Variants in AKT1S1 observed in about 807,000 individuals in gnomAD.
The protein encoded by AKT1S1 is proline-rich AKT1 substrate 1.
AKT1S1 carries 17 observed loss-of-function variants against 21.2 expected under a neutral mutation model. The observed-to-expected ratio is 0.80, with a 90% CI of 0.55 to 1.20. The LOEUF (loss-of-function observed/expected upper bound fraction) is 1.20. Ranked by LOEUF, AKT1S1 falls within the 50% of genes most tolerant of loss-of-function variation. AKT1S1 has a pLI of 0.00. For missense variants in AKT1S1, 366 were observed against 368.3 expected (o/e 0.99, Z 0.05); for synonymous variants, 181 against 165.6 (o/e 1.09, Z -0.72).
intron 2 of AKT1S1, among the ~76,000 whole-genome samples, chr19:49,872,129 T>C (rs958475756): frequency 7.9e-5 from 12 of 152,212 alleles, no homozygotes; most frequent in African/African-American, 1.2e-4. Context: ...GCTGCTAACA[T>C]GAAACCTCTA....
At position 49,869,777 on chromosome 19, in the gene AKT1S1, C is replaced by T. The variant is rs2122359522; in HGVS notation, c.*140G>A. 2 of 1,014,266 alleles carry T rather than the reference C, an allele frequency of 2.0e-6. No individual in the cohort carries two copies. The highest frequency in any genetic ancestry group is 3.4e-4 in the Middle Eastern group (1 of 2,932). The allele number at this position is 1,014,266 out of a possible 1,614,324, so 62.8% of individuals were successfully genotyped here. On this transcript the variant is annotated 3_prime_UTR_variant, in exon 5 of 5. Transcript: ENST00000344175. ...GGGCTGGAAGGACGGCGGGGATTGG[C>T]AGAGGCGGGACAATCTTGGGAATGG...
chr19:49,872,775 C>T (rs2074898200), intron 2 of AKT1S1, 142 bp downstream of exon 2: 1 of 1,041,490 alleles, frequency 9.6e-7, no homozygotes, highest in Non-Finnish European at 1.4e-6. Flanking sequence ...CAGCAAGCCC[C>T]AGGCAAGCCT....
upstream of AKT1S1, chr19:49,878,288 A>G (rs201403786): frequency 1.4e-5 from 21 of 1,526,642 alleles, no homozygotes; most frequent in East Asian, 4.4e-4. Flanking sequence ...AGCGGGATGC[A>G]GGCGGTCTGG....
chr19:49,870,071 G>C lies in AKT1S1; in HGVS notation c.628-11C>G, dbSNP rs1046984500. 4.0e-6 allele frequency: 6 copies of C among 1,512,424 alleles called. No individual in the cohort carries two copies. Among genetic ancestry groups the C allele is most frequent in the African/African-American group, 2.9e-5 (2 of 70,024 alleles). 93.7% of individuals were successfully genotyped at this position (1,512,424 alleles called of 1,614,324 possible). On this transcript the variant is annotated splice_polypyrimidine_tract_variant and intron_variant, in intron 4 of 4. Coordinates refer to ENST00000344175, the MANE Select transcript of AKT1S1 (RefSeq NM_001098633.4). Reference sequence around the variant, plus strand: ...GTCGGGCGAAGAGGGCTGCGGGGACGGCGACGGGGCGAGGTCAGCGCCGGC... The same window carrying C: ...GTCGGGCGAAGAGGGCTGCGGGGACCGCGACGGGGCGAGGTCAGCGCCGGC...
rs2353005 is a variant in AKT1S1, at chr19:49,869,505, G to A, written c.*412C>T. 16,263 of 158,598 alleles carry A rather than the reference G, an allele frequency of 0.1. 1,018 individuals are homozygous for A. The highest frequency in any genetic ancestry group is 0.14 in the Non-Finnish European group (10,336 of 71,970). 9.8% of individuals were successfully genotyped at this position (158,598 alleles called of 1,614,324 possible). On this transcript the variant is annotated 3_prime_UTR_variant, in exon 5 of 5. Coordinates refer to ENST00000344175, the MANE Select transcript of AKT1S1 (RefSeq NM_001098633.4). ...GAAAAGCGGACGGTGACTATGTAGA[G>A]ACTGGTCAAGCCCTTTACAGGATTT...
intron 4 of AKT1S1, among the ~76,000 whole-genome samples, chr19:49,871,028 C>G (rs2122366766): frequency 1.3e-5 from 2 of 152,328 alleles, no homozygotes; most frequent in Middle Eastern, 3.4e-3. Context: ...CTCTGCCTCT[C>G]AGGGAAGTCA....
At position 49,873,983 on chromosome 19, in the gene AKT1S1, C is replaced by G. The variant is rs1010047022; in HGVS notation, c.-7-681G>C. 3.9e-5 allele frequency: 6 copies of G among 152,298 alleles called. No homozygotes were observed. Among genetic ancestry groups the G allele is most frequent in the Non-Finnish European group, 8.8e-5 (6 of 68,088 alleles). The allele number at this position is 152,298 out of a possible 1,614,324, so 9.4% of individuals were successfully genotyped here. A position where few individuals can be genotyped will look rare whatever the true frequency, so the allele number is the denominator to read the frequency against. ...AAGGCCCAGGGGGTTCCTTCAGCAC[C>G]CGGAGCTGATGCTACTCCTCGCCAT... On this transcript the variant is annotated intron_variant, in intron 1 of 4. Coordinates refer to ENST00000344175, the MANE Select transcript of AKT1S1 (RefSeq NM_001098633.4). The surrounding 1 kb of genome is among the most constrained non-coding windows in gnomAD (Gnocchi z 6.9).
rs759110134 is a variant in AKT1S1 at position 49,869,991 on chromosome 19, T to C, written c.697A>G (p.Thr233Ala). The C allele has an allele frequency of 1.1e-5, 17 of 1,547,644 alleles. No individual in the cohort carries two copies. The highest frequency in any genetic ancestry group is 1.4e-5 in the Non-Finnish European group (16 of 1,144,098). ...RALVLREAED[T>A]QVFGDLPRPR... Reference sequence around the variant, plus strand: ...CGTGGCAGGTCCCCGAAGACCTGGGTGTCCTCGGCCTCTCGCAGCACCAGC... The same window carrying C: ...CGTGGCAGGTCCCCGAAGACCTGGGCGTCCTCGGCCTCTCGCAGCACCAGC... The change falls in exon 5 of 5, where the codon ACC (threonine) becomes GCC (alanine). Residue 233 changes from threonine to alanine, a missense_variant. Thr to Ala is a moderately conservative substitution (Grantham distance 58, BLOSUM62 0). Transcript: ENST00000344175.
chr19:49,878,217 TG>T (rs1192354171), upstream of AKT1S1: 1 of 1,562,006 alleles, frequency 6.4e-7, no homozygotes, highest in African/African-American at 1.4e-5. Flanking sequence ...CTCTCATCGC[TG>T]GTGTCATCCG....
chr19:49,875,677 T>C (rs982259592), intron 1 of AKT1S1, among the ~76,000 whole-genome samples: 4 of 152,150 alleles, frequency 2.6e-5, no homozygotes, highest in Non-Finnish European at 5.9e-5. Flanking sequence ...CAGGATGAAC[T>C]CTCCGTGTAC....
rs537684716 is a variant in AKT1S1, at chr19:49,870,202, C to A, written c.628-142G>T. Reference sequence around the variant, plus strand: ...CACCTGTGCCCTGCGATGCCCACTGCCAGCAGTGCCCCTCCCCGTCTTGCT... The same window carrying A: ...CACCTGTGCCCTGCGATGCCCACTGACAGCAGTGCCCCTCCCCGTCTTGCT... On this transcript the variant is annotated intron_variant, in intron 4 of 4. Coordinates refer to ENST00000344175, the MANE Select transcript of AKT1S1 (RefSeq NM_001098633.4). The A allele has an allele frequency of 4.0e-6, 4 of 1,001,648 alleles. No individual in the cohort carries two copies. In the South Asian group the frequency reaches 1.0e-4, roughly 26 times the overall value. The allele number at this position is 1,001,648 out of a possible 1,614,324, so 62.0% of individuals were successfully genotyped here. A position where few individuals can be genotyped will look rare whatever the true frequency, so the allele number is the denominator to read the frequency against.
Position 49,873,686 on chromosome 19 carries a change from G to A in AKT1S1, c.-7-384C>T, listed in dbSNP as rs2074911137. ...AATAAAACCTGCACTGGGTTCTGAA[G>A]ACTGAGTACAATAAAGCCGAACGAG... On this transcript the variant is annotated intron_variant, in intron 1 of 4. Transcript: ENST00000344175. The surrounding 1 kb of genome is among the most constrained non-coding windows in gnomAD (Gnocchi z 6.9). The A allele has an allele frequency of 5.1e-6, 1 of 195,906 alleles. No individual in the cohort carries two copies. Among genetic ancestry groups the A allele is most frequent in the Non-Finnish European group, 1.0e-5 (1 of 97,148 alleles). The allele number at this position is 195,906 out of a possible 1,614,324, so 12.1% of individuals were successfully genotyped here.
Position 49,871,648 on chromosome 19 carries a change from G to C in AKT1S1, c.526C>G (p.Pro176Ala), listed in dbSNP as rs2074885206. The change falls in exon 4 of 5, where the codon CCC (proline) becomes GCC (alanine). Residue 176 changes from proline (P) to alanine (A), a missense_variant. Coordinates refer to ENST00000344175, the MANE Select transcript of AKT1S1 (RefSeq NM_001098633.4). The part of the protein sequence containing the change: ...TCSVPPASAL[P>A]TQQYAKSLPV... ...AGGGACTTGGCGTACTGCTGTGTGGGTAGGGCTGAGGCTGGGGGCACTGAG... is the reference window on the plus strand; with the variant it reads ...AGGGACTTGGCGTACTGCTGTGTGGCTAGGGCTGAGGCTGGGGGCACTGAG... 3.7e-6 allele frequency: 6 copies of C among 1,614,036 alleles called. No individual in the cohort carries two copies. In the East Asian group the frequency reaches 1.3e-4, roughly 36 times the overall value.
Position 49,869,766 on chromosome 19 carries a change from G to T in AKT1S1, c.*151C>A. Reference sequence around the variant, plus strand: ...CGGCAGGTCGTGGGCTGGAAGGACGGCGGGGATTGGCAGAGGCGGGACAAT... The same window carrying T: ...CGGCAGGTCGTGGGCTGGAAGGACGTCGGGGATTGGCAGAGGCGGGACAAT... On this transcript the variant is annotated 3_prime_UTR_variant, in exon 5 of 5. Transcript: ENST00000344175. 1 of 942,234 alleles carries T rather than the reference G, an allele frequency of 1.1e-6. No individual in the cohort carries two copies. Among genetic ancestry groups the T allele is most frequent in the Non-Finnish European group, 1.5e-6 (1 of 683,066 alleles). The allele number at this position is 942,234 out of a possible 1,614,324, so 58.4% of individuals were successfully genotyped here.
At chr19:49,878,291 C>A, upstream of AKT1S1, 1 of 1,514,086 alleles carries the variant, frequency 6.6e-7, no homozygotes, top group Non-Finnish European at 9.0e-7. Context: ...GGGATGCAGG[C>A]GGTCTGGGAT....
upstream of AKT1S1, chr19:49,878,039 G>T: frequency 2.0e-6 from 2 of 981,366 alleles, no homozygotes; most frequent in Non-Finnish European, 3.0e-6. Context: ...GGCCCTCCCG[G>T]CCCCGCCCCC....
At chr19:49,877,471 G>C, upstream of AKT1S1, 2 of 505,720 alleles carry the variant, frequency 4.0e-6, no homozygotes, top group Non-Finnish European at 7.0e-6. Flanking sequence ...TTCGTGGCGA[G>C]AGGGCGAACA....
chr19:49,871,678 T>TG lies in AKT1S1; in HGVS notation c.495dup (p.Thr166HisfsTer40), dbSNP rs748776119. On this transcript the variant is annotated frameshift_variant, in exon 4 of 5. Coordinates refer to ENST00000344175, the MANE Select transcript of AKT1S1 (RefSeq NM_001098633.4). LOFTEE classifies it high-confidence loss of function. Reference sequence around the variant, plus strand: ...GCTGAGGCTGGGGGCACTGAGCAGGTGGGGGGGCCGGCGGGGGTCTCCTCG... The same window carrying TG: ...GCTGAGGCTGGGGGCACTGAGCAGGTGGGGGGGGCCGGCGGGGGTCTCCTCG... 1.1e-5 allele frequency: 17 copies of TG among 1,611,946 alleles called. No homozygotes were observed. The highest frequency in any genetic ancestry group is 1.0e-5 in the Non-Finnish European group (12 of 1,178,906).
At chr19:49,876,357 A>G (rs996009387) in intron 1 of AKT1S1, 6 of 1,180,718 alleles carry the variant, frequency 5.1e-6, no homozygotes, top group Middle Eastern at 6.5e-4. Context: ...TCCACGGCCC[A>G]GGTAGAGATC....
Sources: allele counts gnomAD v4.1 joint callset (sites outside exome capture counted in the v4.1 genomes callset), GRCh38; gene constraint gnomAD v4.1.1; non-coding constraint Gnocchi (gnomAD v3.1); transcripts MANE v1.5; gene names NCBI Gene and HGNC (gene_info 2026-07-23, HGNC 2026-07-21).